SOX30: variants seen among roughly 807,000 people sequenced by gnomAD.
SOX30 encodes SRY-box transcription factor 30.
Under a neutral mutation model 58.6 loss-of-function variants are expected in SOX30, and 17 were observed. That is an observed-to-expected ratio of 0.29 (90% CI 0.20 to 0.44). SOX30 has a LOEUF of 0.44. SOX30 is among the 20% of genes least tolerant of loss of function. The pLI, the probability that SOX30 is intolerant of heterozygous loss-of-function variation, is 1.00. For synonymous variants in SOX30, 421 were observed against 400.2 expected, an observed-to-expected ratio of 1.05 and a Z score of -0.62; for missense variants, 951 against 965.8, an observed-to-expected ratio of 0.98 and a Z score of 0.20.
chr5:157,654,036 C>T (rs190209939), upstream of SOX30, among the ~76,000 whole-genome samples: 110 of 152,084 alleles, frequency 7.2e-4, 2 homozygotes, highest in Non-Finnish European at 1.1e-3. Context: ...CATGGTGGCA[C>T]ATGCCTGTAA....
In SOX30 at chr5:157,652,101, A is replaced by T. The variant is rs183997314; in HGVS notation, c.-23T>A. 1.4e-6 allele frequency: 2 copies of T among 1,394,010 alleles called. No individual in the cohort carries two copies. Among genetic ancestry groups the T allele is most frequent in the South Asian group, 1.6e-5 (1 of 61,378 alleles). The allele number at this position is 1,394,010 out of a possible 1,614,324, so 86.4% of individuals were successfully genotyped here. A position where few individuals can be genotyped will look rare whatever the true frequency, so the allele number is the denominator to read the frequency against. ...CATGGGGGAGGGGGACGCCCCGGCC[A>T]GGATTGTGAGCTCAGCCGTTTGTTG... is the stretch of plus-strand genomic sequence containing the variant. On this transcript the variant is annotated 5_prime_UTR_variant, in exon 1 of 5. Coordinates refer to ENST00000265007, the MANE Select transcript of SOX30 (RefSeq NM_178424.2).
chr5:157,651,689 G>C lies in SOX30; in HGVS notation c.390C>G (p.Pro130=). ...TSRPELHPVQ[P]LALHVKAKKQ... The stretch of plus-strand genomic sequence containing the variant: ...TCTTGGCCTTGACATGCAGCGCCAG[G>C]GGCTGCACCGGGTGCAACTCGGGCC... Residue 130 remains proline (P), a synonymous_variant, in exon 1 of 5, where the codon CCC becomes CCG. Transcript: ENST00000265007. 1 of 1,599,182 alleles carries C rather than the reference G, an allele frequency of 6.3e-7. No homozygotes were observed. The highest frequency in any genetic ancestry group is 8.5e-7 in the Non-Finnish European group (1 of 1,174,070).
At chr5:157,646,377 C>T (rs1034627764) in intron 3 of SOX30, among the ~76,000 whole-genome samples, 3 of 152,104 alleles carry the variant, frequency 2.0e-5, no homozygotes, top group Admixed American at 2.0e-4. Context: ...CATTATCTGC[C>T]TAATCTATGG....
At chr5:157,646,585 A>C in intron 3 of SOX30, 52 bp downstream of exon 3, 1 of 1,370,722 alleles carries the variant, frequency 7.3e-7, no homozygotes, top group South Asian at 1.3e-5. Flanking sequence ...CTTGAGGTAA[A>C]ATTTTCTTGC....
chr5:157,634,847 C>T (rs1028283133), intron 4 of SOX30, among the ~76,000 whole-genome samples: 1 of 151,764 alleles, frequency 6.6e-6, no homozygotes, highest in Admixed American at 6.6e-5. Flanking sequence ...AGGGTTTCAT[C>T]ATGTTCACCA....
rs539566843 is a variant in SOX30, at chr5:157,652,041, C to G, written c.38G>C (p.Arg13Pro). ...CGGGGGCGGAGCGGGACGCAACGGGCGCGGCTGAGGCGGCGGCTCGGGTCT... is the reference window on the plus strand; with the variant it reads ...CGGGGGCGGAGCGGGACGCAACGGGGGCGGCTGAGGCGGCGGCTCGGGTCT... ...RARPEPPPQPRPLRPAPPPLP... is the reference protein window; with the variant it reads ...RARPEPPPQPPPLRPAPPPLP... Residue 13 changes from arginine to proline, a missense_variant, in exon 1 of 5, where the codon CGC (arginine) becomes CCC (proline). Coordinates refer to ENST00000265007, the MANE Select transcript of SOX30 (RefSeq NM_178424.2). The G allele has an allele frequency of 2.1e-6, 3 of 1,422,290 alleles. No individual in the cohort carries two copies. The South Asian group carries it at 4.6e-5, about 22-fold the overall frequency. 88.1% of individuals were successfully genotyped at this position (1,422,290 alleles called of 1,614,324 possible).
chr5:157,669,193 C>A (rs951881001), intron 1 of SOX30, among the ~76,000 whole-genome samples: 1 of 152,098 alleles, frequency 6.6e-6, no homozygotes, highest in African/African-American at 2.4e-5. Flanking sequence ...GGGAGGGAAG[C>A]AAAGTCATTT....
rs916414803 is a variant in SOX30 at position 157,643,077 on chromosome 5, A to AT, written c.1387+3559dup. ...GATCTTAGATGGCATTCACCCAAGA[A>AT]TTTTTTTTTTAAAGAAGAAAACGGA... On this transcript the variant is annotated intron_variant, in intron 3 of 4. Coordinates refer to ENST00000265007, the MANE Select transcript of SOX30 (RefSeq NM_178424.2). Among the ~76,000 whole-genome samples the AT allele has an allele frequency of 2.4e-3, 360 of 150,658 alleles. 5 individuals are homozygous for AT. Among genetic ancestry groups the AT allele is most frequent in the African/African-American group, 8.2e-3 (335 of 41,034 alleles).
intron 2 of SOX30, among the ~76,000 whole-genome samples, chr5:157,661,252 T>A (rs1554090154): frequency 6.6e-6 from 1 of 152,208 alleles, no homozygotes; most frequent in Non-Finnish European, 1.5e-5. Flanking sequence ...CCTTTAAGCA[T>A]GTTGTTAGTC....
intron 2 of SOX30, among the ~76,000 whole-genome samples, chr5:157,661,833 G>A (rs1487346280): frequency 1.3e-5 from 2 of 152,038 alleles, no homozygotes; most frequent in Non-Finnish European, 2.9e-5. Context: ...TAATTTTCTT[G>A]TGATATCTTT....
At chr5:157,638,126 G>T in intron 4 of SOX30, 104 bp downstream of exon 4, 1 of 1,165,210 alleles carries the variant, frequency 8.6e-7, no homozygotes, top group Non-Finnish European at 1.2e-6. Context: ...AATTGAAGAA[G>T]TCTGCTTTTC....
chr5:157,626,810 T>C, intron 4 of SOX30, 89 bp from the exon 5 acceptor site: 1 of 1,431,068 alleles, frequency 7.0e-7, no homozygotes, highest in Non-Finnish European at 9.3e-7. Flanking sequence ...TGCCTCCTCT[T>C]TGGGGTTTGG....
At chr5:157,667,841 T>G in exon 2 of SOX30, 1 of 1,535,554 alleles carries the variant, frequency 6.5e-7, no homozygotes, top group Non-Finnish European at 8.7e-7. Flanking sequence ...CTCTACAACA[T>G]TTCTCCATGA....
upstream of SOX30, among the ~76,000 whole-genome samples, chr5:157,655,397 C>T (rs1030509075): frequency 3.3e-5 from 5 of 152,228 alleles, no homozygotes; most frequent in Admixed American, 1.3e-4. Flanking sequence ...GGTTAGAGTC[C>T]CTTCTAAGAT....
intron 4 of SOX30, among the ~76,000 whole-genome samples, chr5:157,627,655 G>A (rs1342292628): frequency 6.6e-6 from 1 of 152,108 alleles, no homozygotes; most frequent in Non-Finnish European, 1.5e-5. Flanking sequence ...ATTTTTTGGA[G>A]GGCAGGAATG....
chr5:157,636,543 A>C (rs1409042462), intron 4 of SOX30, among the ~76,000 whole-genome samples: 2 of 152,216 alleles, frequency 1.3e-5, no homozygotes, highest in Non-Finnish European at 2.9e-5. Context: ...AAAAGATTCT[A>C]CATAAAACAA....
chr5:157,660,223 C>A (rs1759553405), intron 2 of SOX30, among the ~76,000 whole-genome samples: 1 of 152,176 alleles, frequency 6.6e-6, no homozygotes, highest in South Asian at 2.1e-4. Flanking sequence ...GAATTTTAGA[C>A]CGACATGGGC....
intron 2 of SOX30, among the ~76,000 whole-genome samples, chr5:157,664,784 G>A (rs1482410310): frequency 1.3e-5 from 2 of 152,158 alleles, no homozygotes; most frequent in East Asian, 1.9e-4. Context: ...AAAAGTGGGT[G>A]AAGGATATGA....
Position 157,638,381 on chromosome 5 carries a change from T to C in SOX30, c.1729A>G (p.Ser577Gly). 6.2e-7 allele frequency: 1 copy of C among 1,613,838 alleles called. No homozygotes were observed. Among genetic ancestry groups the C allele is most frequent in the Non-Finnish European group, 8.5e-7 (1 of 1,179,874 alleles). Residue 577 changes from serine to glycine, a missense_variant, in exon 4 of 5, where the codon AGT becomes GGT. Ser to Gly is a moderately conservative substitution (Grantham distance 56, BLOSUM62 0). This residue lies in a region of SOX30 where 381 missense variants were observed against 390.0 expected (regional missense o/e 0.98). Transcript: ENST00000265007. ...EYSSVSPCPRSAPIPQASPIP... is the reference protein window; with the variant it reads ...EYSSVSPCPRGAPIPQASPIP... ...GGAGAAGCCTGGGGGATTGGAGCAC[T>C]TCTGGGACAAGGGGAAACGCTGGAA...
Sources: gnomAD v4.1 joint callset for allele counts (sites outside exome capture counted in the v4.1 genomes callset) on GRCh38, gnomAD v4.1.1 for gene constraint, gnomAD v4.1.1 regional missense constraint, MANE v1.5 for transcripts, NCBI Gene and HGNC (gene_info 2026-07-23, HGNC 2026-07-21) for gene names.